RASAL2: variants seen among roughly 807,000 people sequenced by gnomAD.
The protein encoded by RASAL2 is ras GTPase-activating protein nGAP.
In RASAL2, 58 loss-of-function variants were observed where a neutral mutation model predicts 128.9. The observed-to-expected ratio is 0.45, with a 90% CI of 0.36 to 0.56. The LOEUF is 0.56. Ranked by LOEUF, RASAL2 falls within the 20% of genes least tolerant of loss-of-function variation. The pLI, the probability that RASAL2 is intolerant of heterozygous loss-of-function variation, is 0.00. For synonymous variants in RASAL2, 561 were observed against 580.8 expected, an observed-to-expected ratio of 0.97 and a Z score of 0.49; for missense variants, 1,360 against 1,601.6, an observed-to-expected ratio of 0.85 and a Z score of 2.57.
intron 1 of RASAL2, among the ~76,000 whole-genome samples, chr1:178,155,304 C>G (rs562022932): frequency 8.6e-5 from 13 of 151,912 alleles, no homozygotes; most frequent in Non-Finnish European, 1.8e-4. Flanking sequence ...TGAGTATCAT[C>G]AAGTTTCATG....
intron 1 of RASAL2, among the ~76,000 whole-genome samples, chr1:178,107,867 A>AT (rs1659155819): frequency 6.6e-6 from 1 of 152,154 alleles, no homozygotes; most frequent in African/African-American, 2.4e-5. Context: ...GTTGATGGAC[A>AT]TTTGGGTTGT....
At chr1:178,095,711 G>GT (rs1279143365) in intron 1 of RASAL2, among the ~76,000 whole-genome samples, 1 of 152,094 alleles carries the variant, frequency 6.6e-6, no homozygotes, top group Non-Finnish European at 1.5e-5. Flanking sequence ...CAAGACTTAG[G>GT]TTTTTTTCTG....
chr1:178,161,265 T>C (rs1571564367), intron 1 of RASAL2, among the ~76,000 whole-genome samples: 1 of 152,200 alleles, frequency 6.6e-6, no homozygotes, highest in South Asian at 2.1e-4. Flanking sequence ...CCCTTATGCA[T>C]TGTCATTGTT....
At chr1:178,194,190 T>C (rs1242307680) in intron 1 of RASAL2, among the ~76,000 whole-genome samples, 1 of 152,258 alleles carries the variant, frequency 6.6e-6, no homozygotes, top group Non-Finnish European at 1.5e-5. Flanking sequence ...ATCTCATTAC[T>C]GAGGCCTGTG....
intron 1 of RASAL2, among the ~76,000 whole-genome samples, chr1:178,177,692 A>G (rs1316570956): frequency 6.6e-6 from 1 of 152,152 alleles, no homozygotes; most frequent in Non-Finnish European, 1.5e-5. Flanking sequence ...AAGAAGGATG[A>G]TGTATTAGAA....
chr1:178,251,466 A>T (rs1020403303), intron 1 of RASAL2, among the ~76,000 whole-genome samples: 2 of 152,224 alleles, frequency 1.3e-5, no homozygotes, highest in Admixed American at 6.5e-5. Flanking sequence ...CTAAAACTAT[A>T]TGTAAAAATC....
chr1:178,190,406 T>C (rs1397642565), intron 1 of RASAL2, among the ~76,000 whole-genome samples: 1 of 152,164 alleles, frequency 6.6e-6, no homozygotes, highest in Non-Finnish European at 1.5e-5. Context: ...GTATCTAAAA[T>C]ATTTGTTTGT....
chr1:178,434,673 T>C (rs1325513876), intron 5 of RASAL2, among the ~76,000 whole-genome samples: 2 of 151,932 alleles, frequency 1.3e-5, no homozygotes, highest in African/African-American at 4.8e-5. Flanking sequence ...GTAAACCAGC[T>C]CAGCTGGTGC....
intron 7 of RASAL2, among the ~76,000 whole-genome samples, chr1:178,442,253 T>C (rs950164091): frequency 1.3e-5 from 2 of 152,130 alleles, no homozygotes; most frequent in African/African-American, 4.8e-5. Flanking sequence ...ATTATTGCCA[T>C]GGTTCTACCA....
intron 5 of RASAL2, among the ~76,000 whole-genome samples, chr1:178,427,436 T>G (rs1423654050): frequency 6.6e-6 from 1 of 152,156 alleles, no homozygotes; most frequent in Admixed American, 6.6e-5. Context: ...TGTTCTCAAT[T>G]CTAAGGCTCA....
chr1:178,464,388 A>G lies in RASAL2; in HGVS notation c.3363A>G (p.Leu1121=). 6.2e-7 allele frequency: 1 copy of G among 1,613,824 alleles called. No individual in the cohort carries two copies. Among genetic ancestry groups the G allele is most frequent in the Non-Finnish European group, 8.5e-7 (1 of 1,179,798 alleles). The change falls in exon 15 of 18, where the codon CTA becomes CTG. Residue 1121 remains leucine (L), a synonymous_variant. Coordinates refer to ENST00000367649, the MANE Select transcript of RASAL2 (RefSeq NM_170692.4). Reference sequence around the variant, plus strand: ...ATGTGGAAGAAACTGAGCAAAATCTAGATGAAGCCAAGCATGCTGAGAAGG... The same window carrying G: ...ATGTGGAAGAAACTGAGCAAAATCTGGATGAAGCCAAGCATGCTGAGAAGG... ...EEDVEETEQN[L]DEAKHAEKYE... is the part of the protein sequence containing the mutation.
rs1648453519 is a variant in RASAL2 at position 178,473,380 on chromosome 1, A to G, written c.*141A>G. 3 of 1,098,758 alleles carry G rather than the reference A, an allele frequency of 2.7e-6. No homozygotes were observed. The highest frequency in any genetic ancestry group is 3.9e-6 in the Non-Finnish European group (3 of 776,726). 68.1% of individuals were successfully genotyped at this position (1,098,758 alleles called of 1,614,324 possible). A position where few individuals can be genotyped will look rare whatever the true frequency, so the allele number is the denominator to read the frequency against. ...GAGAAACTCCTGAATGAAGAAAGGAACCTTGTCTTTCAGGGCATAAGGCGG... is the reference window on the plus strand; with the variant it reads ...GAGAAACTCCTGAATGAAGAAAGGAGCCTTGTCTTTCAGGGCATAAGGCGG... On this transcript the variant is annotated 3_prime_UTR_variant, in exon 18 of 18. Coordinates refer to ENST00000367649, the MANE Select transcript of RASAL2 (RefSeq NM_170692.4).
At chr1:178,366,381 T>G (rs1671399312) in intron 3 of RASAL2, among the ~76,000 whole-genome samples, 1 of 152,184 alleles carries the variant, frequency 6.6e-6, no homozygotes, top group Admixed American at 6.5e-5. Flanking sequence ...ATTACTTGCC[T>G]TTGTTCATTC....
At chr1:178,246,133 A>G (rs1328954677) in intron 1 of RASAL2, among the ~76,000 whole-genome samples, 1 of 152,206 alleles carries the variant, frequency 6.6e-6, no homozygotes, top group Non-Finnish European at 1.5e-5. Context: ...TAGGAATAGC[A>G]TTGAATTTAT....
intron 3 of RASAL2, among the ~76,000 whole-genome samples, chr1:178,302,358 C>T (rs74131314): frequency 0.045 from 6,856 of 151,966 alleles, 503 homozygotes; most frequent in African/African-American, 0.15. Flanking sequence ...TGTCTATATA[C>T]TAGCAATAAA....
At chr1:178,265,211 A>G (rs998202020) in intron 1 of RASAL2, among the ~76,000 whole-genome samples, 4 of 152,118 alleles carry the variant, frequency 2.6e-5, no homozygotes, top group Admixed American at 2.6e-4. Context: ...CAAATGTTCA[A>G]ATGGAACTAT....
At chr1:178,249,298 A>G (rs975117957) in intron 1 of RASAL2, among the ~76,000 whole-genome samples, 3 of 151,516 alleles carry the variant, frequency 2.0e-5, no homozygotes, top group African/African-American at 7.3e-5. Context: ...TTGTTCTTCA[A>G]TCTCTGATAT....
intron 9 of RASAL2, among the ~76,000 whole-genome samples, chr1:178,450,194 T>G (rs1268395127): frequency 6.6e-6 from 1 of 152,164 alleles, no homozygotes; most frequent in African/African-American, 2.4e-5. Context: ...TAAAATACTT[T>G]TTGTATGGTG....
intron 3 of RASAL2, among the ~76,000 whole-genome samples, chr1:178,360,730 A>G (rs1419746316): frequency 6.6e-6 from 1 of 152,196 alleles, no homozygotes; most frequent in East Asian, 1.9e-4. Flanking sequence ...GGAAGTTAGA[A>G]GGTGTCAACG....
Sources: gnomAD v4.1 joint callset for allele counts (sites outside exome capture counted in the v4.1 genomes callset) on GRCh38, gnomAD v4.1.1 for gene constraint, MANE v1.5 for transcripts, NCBI Gene and HGNC (gene_info 2026-07-23, HGNC 2026-07-21) for gene names.